Variants in KIAA2012 observed in about 807,000 individuals in gnomAD.
KIAA2012 encodes KIAA2012.
In KIAA2012, 125 loss-of-function variants were observed where a neutral mutation model predicts 150.6. That is an observed-to-expected ratio of 0.83 (90% CI 0.72 to 0.96). The LOEUF is 0.96. KIAA2012 is among the 40% of genes least tolerant of loss of function. The pLI, the probability that KIAA2012 is intolerant of heterozygous loss-of-function variation, is 0.00. For missense variants in KIAA2012, 1,219 were observed against 1,354.9 expected (o/e 0.90, Z 1.57); for synonymous variants, 462 against 504.7 (o/e 0.92, Z 1.13).
intron 16 of KIAA2012, among the ~76,000 whole-genome samples, chr2:202,185,574 T>G (rs2105742693): frequency 6.6e-6 from 1 of 152,304 alleles, no homozygotes; most frequent in South Asian, 2.1e-4. Context: ...ACCTGATCTT[T>G]TCTCACAATG....
chr2:202,152,339 G>A (rs13007734), intron 13 of KIAA2012, among the ~76,000 whole-genome samples: 39,367 of 151,936 alleles, frequency 0.26, 5,370 homozygotes, highest in South Asian at 0.34. Context: ...TTGTTTTATC[G>A]AAAGATTTAT....
At chr2:202,142,691 AC>A (rs1691217205) in intron 13 of KIAA2012, among the ~76,000 whole-genome samples, 1 of 152,172 alleles carries the variant, frequency 6.6e-6, no homozygotes, top group Admixed American at 6.5e-5. Context: ...TTCAGCCTAC[AC>A]CCAGGAATGA....
chr2:202,125,914 T>G (rs1301277758), intron 12 of KIAA2012: 1 of 401,882 alleles, frequency 2.5e-6, no homozygotes, highest in Admixed American at 3.2e-5. Flanking sequence ...AACAGAGAAA[T>G]GTGAGTGGTG....
intron 14 of KIAA2012, among the ~76,000 whole-genome samples, chr2:202,162,910 C>A (rs1484972568): frequency 1.7e-5 from 2 of 118,706 alleles, no homozygotes; most frequent in Non-Finnish European, 3.3e-5. Context: ...AGCCTGGCAA[C>A]AGAGCGAGAC....
At chr2:202,095,299 C>G (rs1306805151) in intron 4 of KIAA2012, among the ~76,000 whole-genome samples, 1 of 152,214 alleles carries the variant, frequency 6.6e-6, no homozygotes, top group East Asian at 1.9e-4. Context: ...ACTGGTTTCC[C>G]TCTCTTTGCC....
Position 202,102,334 on chromosome 2 carries a change from T to C in KIAA2012, c.1156-612T>C, listed in dbSNP as rs1250758629. Among the ~76,000 whole-genome samples, 6 of 152,352 alleles carry C rather than the reference T, an allele frequency of 3.9e-5. No homozygotes were observed. The East Asian group carries it at 1.2e-3, about 29-fold the overall frequency. ...TTTCTGCTAGTGGCTAGATAAATGC[T>C]AACGAGAGGAGAGTCTACTCTCAAA... On this transcript the variant is annotated intron_variant, in intron 7 of 23. Coordinates refer to ENST00000498697, the MANE Select transcript of KIAA2012 (RefSeq NM_001277372.4).
intron 10 of KIAA2012, among the ~76,000 whole-genome samples, chr2:202,112,699 GA>G (rs560154519): frequency 6.2e-4 from 94 of 152,354 alleles, no homozygotes; most frequent in Middle Eastern, 3.4e-3. Context: ...TGGCATGGGG[GA>G]AACCCCGCAA....
chr2:202,117,396 C>T (rs11678406), intron 11 of KIAA2012, among the ~76,000 whole-genome samples: 43,142 of 152,036 alleles, frequency 0.28, 6,358 homozygotes, highest in African/African-American at 0.36. Context: ...TGGGACCCCA[C>T]GGGTAAAAGA....
chr2:202,106,034 A>C, intron 9 of KIAA2012, 124 bp downstream of exon 9: 1 of 1,540,256 alleles, frequency 6.5e-7, no homozygotes, highest in Non-Finnish European at 8.7e-7. Flanking sequence ...ACCAGCAGCC[A>C]CTGGAAGATG....
rs371440841 is a variant in KIAA2012, at chr2:202,105,766, C to G, written c.1330C>G (p.Pro444Ala). Reference sequence around the variant, plus strand: ...GCCTCCTCTTTGTCTCCTAGGTGCTCCACACCCTGAGTCAGAACCAGAAAG... The same window carrying G: ...GCCTCCTCTTTGTCTCCTAGGTGCTGCACACCCTGAGTCAGAACCAGAAAG... ...PKEKAHRRGA[P>A]HPESEPESSE... is the part of the protein sequence containing the mutation. The change falls in exon 9 of 24, where the codon CCA (proline) becomes GCA (alanine). Residue 444 changes from proline (P) to alanine (A), a missense_variant. Transcript: ENST00000498697. 1.4e-5 allele frequency: 21 copies of G among 1,550,508 alleles called. No individual in the cohort carries two copies. Among genetic ancestry groups the G allele is most frequent in the African/African-American group, 9.6e-5 (7 of 73,168 alleles).
In KIAA2012 at chr2:202,109,599, T is replaced by A. The variant is rs1343176618; in HGVS notation, c.1475-14T>A. 3 of 1,510,256 alleles carry A rather than the reference T, an allele frequency of 2.0e-6. No homozygotes were observed. The Admixed American group carries it at 7.2e-5, about 36-fold the overall frequency. 93.6% of individuals were successfully genotyped at this position (1,510,256 alleles called of 1,614,324 possible). On this transcript the variant is annotated splice_polypyrimidine_tract_variant and intron_variant, in intron 9 of 23. Transcript: ENST00000498697. ...GTTTTCTCACACAGGCTTTTTCCCC[T>A]TTTGTTTTTAAAGATGATGATGCCC...
chr2:202,199,920 A>ATTTTTTT lies in KIAA2012; in HGVS notation c.3408-2486_3408-2480dup, dbSNP rs71025287. On this transcript the variant is annotated intron_variant, in intron 22 of 23. Coordinates refer to ENST00000498697, the MANE Select transcript of KIAA2012 (RefSeq NM_001277372.4). The stretch of plus-strand genomic sequence containing the variant: ...TGCATCTTCCTCCTTGCCCCTCATA[A>ATTTTTTT]TTTTTTTTTTTTTTTTTTTTTTTTT... 4.7e-4 allele frequency among the ~76,000 whole-genome samples: 36 copies of ATTTTTTT among 76,294 alleles called. 3 individuals are homozygous for ATTTTTTT. Among genetic ancestry groups the ATTTTTTT allele is most frequent in the African/African-American group, 1.3e-3 (24 of 18,510 alleles). The allele number at this position is 76,294 out of a possible 152,430, so 50.1% of individuals were successfully genotyped here.
intron 20 of KIAA2012, 33 bp downstream of exon 20, chr2:202,193,536 T>G (rs1197706428): frequency 3.9e-6 from 6 of 1,546,000 alleles, no homozygotes; most frequent in Non-Finnish European, 4.4e-6. Context: ...ACTACAGCCA[T>G]GTTAGGAAGC....
chr2:202,141,961 G>T (rs1372244142), intron 13 of KIAA2012, among the ~76,000 whole-genome samples: 1 of 152,034 alleles, frequency 6.6e-6, no homozygotes, highest in Non-Finnish European at 1.5e-5. Flanking sequence ...AAGTAAAATA[G>T]TTTCATTAAC....
At chr2:202,200,211 G>A (rs1246917329) in intron 22 of KIAA2012, among the ~76,000 whole-genome samples, 3 of 151,994 alleles carry the variant, frequency 2.0e-5, no homozygotes, top group East Asian at 3.9e-4. Flanking sequence ...GATTACAGGC[G>A]TGAGCCACTG....
rs746499514 is a variant in KIAA2012, at chr2:202,100,381, C to T, written c.1087C>T (p.Leu363Phe). ...LLQVLPAERS[L>F]FPPVASATGS... ...ACAGGTGCTTCCTGCTGAAAGAAGC[C>T]TCTTCCCTCCTGTAGCATCTGCCAC... Residue 363 changes from leucine (L) to phenylalanine (F), a missense_variant, in exon 7 of 24, where the codon CTC becomes TTC. Transcript: ENST00000498697. The T allele has an allele frequency of 1.2e-5, 19 of 1,550,468 alleles. No homozygotes were observed. The highest frequency in any genetic ancestry group is 2.4e-5 in the East Asian group (1 of 40,942).
At chr2:202,102,915 C>T in intron 7 of KIAA2012, 31 bp from the exon 8 acceptor site, 4 of 1,544,986 alleles carry the variant, frequency 2.6e-6, no homozygotes, top group Non-Finnish European at 3.5e-6. Flanking sequence ...GGATACCTGC[C>T]ATGATCGTTT....
chr2:202,103,492 C>A (rs1690105684), intron 8 of KIAA2012, among the ~76,000 whole-genome samples: 1 of 150,804 alleles, frequency 6.6e-6, no homozygotes, highest in Admixed American at 6.6e-5. Context: ...AAAAAAAAAA[C>A]CTGGGTAAAA....
At chr2:202,152,644 G>A (rs1266539588) in intron 13 of KIAA2012, among the ~76,000 whole-genome samples, 2 of 152,102 alleles carry the variant, frequency 1.3e-5, no homozygotes, top group African/African-American at 4.8e-5. Flanking sequence ...TCATTTTATC[G>A]AGAAATGGAG....
Sources: gnomAD v4.1 joint callset for allele counts (sites outside exome capture counted in the v4.1 genomes callset) on GRCh38, gnomAD v4.1.1 for gene constraint, MANE v1.5 for transcripts, NCBI Gene and HGNC (gene_info 2026-07-23, HGNC 2026-07-21) for gene names.